ARMC2: variants seen among roughly 807,000 people sequenced by gnomAD.
ARMC2 encodes the protein armadillo repeat containing 2.
ARMC2 carries 67 observed loss-of-function variants against 90.3 expected under a neutral mutation model. The ratio of observed to expected loss-of-function variants is 0.74; its 90% CI spans 0.61 to 0.91. The LOEUF (loss-of-function observed/expected upper bound fraction) is 0.91, where lower values mean the gene tolerates loss of function less well. ARMC2 is among the 40% of genes least tolerant of loss of function. The pLI is 0.00. For synonymous variants in ARMC2, 393 were observed against 393.0 expected (o/e 1.00, Z 0.00); for missense variants, 920 against 1,030.9 (o/e 0.89, Z 1.47).
At chr6:108,931,550 A>C (rs1455351528) in intron 11 of ARMC2, among the ~76,000 whole-genome samples, 1 of 151,830 alleles carries the variant, frequency 6.6e-6, no homozygotes, top group Admixed American at 6.5e-5. Context: ...ACAGTGTATG[A>C]GTGTTCTCTT....
intron 13 of ARMC2, among the ~76,000 whole-genome samples, chr6:108,956,460 G>A (rs573948940): frequency 4.6e-5 from 7 of 151,862 alleles, no homozygotes; most frequent in African/African-American, 1.7e-4. Flanking sequence ...ACTTTGGGAA[G>A]CCAAGGCAGG....
chr6:108,910,757 A>T (rs944005718), intron 8 of ARMC2, 142 bp from the exon 9 acceptor site: 7 of 481,778 alleles, frequency 1.5e-5, no homozygotes, highest in Middle Eastern at 5.3e-4. Flanking sequence ...TGTGGTCTAA[A>T]TTTTTCAAAG....
the ARMC2 span, among the ~76,000 whole-genome samples, chr6:109,043,034 G>T: frequency 1.3e-5 from 2 of 152,052 alleles, no homozygotes; most frequent in African/African-American, 4.8e-5. Flanking sequence ...TGCATGGCTG[G>T]TTCAACATCT....
At chr6:108,936,109 A>G (rs140287949) in intron 11 of ARMC2, among the ~76,000 whole-genome samples, 3 of 152,284 alleles carry the variant, frequency 2.0e-5, no homozygotes, top group African/African-American at 7.2e-5. Flanking sequence ...TTGCTTGCTT[A>G]CTTGCTTTAG....
At chr6:108,922,797 A>C (rs545508188) in intron 10 of ARMC2, among the ~76,000 whole-genome samples, 1 of 152,322 alleles carries the variant, frequency 6.6e-6, no homozygotes, top group African/African-American at 2.4e-5. Context: ...ACATGGAAAG[A>C]AGCTTTCTCA....
intron 8 of ARMC2, chr6:108,907,542 G>C (rs1772897475): frequency 7.8e-7 from 1 of 1,278,014 alleles, no homozygotes; most frequent in Non-Finnish European, 1.1e-6. Context: ...CAACGATCGA[G>C]ATTGTGTTCC....
chr6:108,941,608 G>A (rs1197537895), intron 12 of ARMC2, among the ~76,000 whole-genome samples: 2 of 152,156 alleles, frequency 1.3e-5, no homozygotes, highest in African/African-American at 4.8e-5. Context: ...TTTCAATCTG[G>A]TAGACAGGAT....
At chr6:109,039,502 C>G in the ARMC2 span, among the ~76,000 whole-genome samples, 1,189 of 152,288 alleles carry the variant, frequency 7.8e-3, 20 homozygotes, top group African/African-American at 0.028. Context: ...AACATCAAAT[C>G]TGCAAATCAC....
chr6:108,969,493 A>G (rs1024139818), intron 17 of ARMC2, among the ~76,000 whole-genome samples: 1 of 152,260 alleles, frequency 6.6e-6, no homozygotes, highest in African/African-American at 2.4e-5. Context: ...AGAAAGCTTA[A>G]GAATGATTGG....
intron 4 of ARMC2, among the ~76,000 whole-genome samples, chr6:108,870,612 AAAG>A (rs776800799): frequency 6.5e-4 from 98 of 151,912 alleles, no homozygotes; most frequent in Non-Finnish European, 1.1e-3. Flanking sequence ...AAGGAAAGAA[AAAG>A]AAGAGAGGGA....
intron 5 of ARMC2, among the ~76,000 whole-genome samples, chr6:108,887,951 GA>G (rs1770527685): frequency 6.6e-6 from 1 of 152,160 alleles, no homozygotes. Flanking sequence ...ACCTGGATGG[GA>G]AAATCTGCCT....
At chr6:108,866,016 TAA>T (rs910550188) in intron 3 of ARMC2, among the ~76,000 whole-genome samples, 4,158 of 118,506 alleles carry the variant, frequency 0.035, 168 homozygotes, top group East Asian at 0.2. Context: ...GACCCTGTCT[TAA>T]AAAAAAAAAA....
At chr6:108,932,689 C>T (rs763756979) in intron 11 of ARMC2, among the ~76,000 whole-genome samples, 15 of 151,456 alleles carry the variant, frequency 9.9e-5, no homozygotes, top group South Asian at 4.2e-4. Context: ...CCACCACGCC[C>T]GGCTAATTTT....
intron 12 of ARMC2, among the ~76,000 whole-genome samples, chr6:108,941,617 A>C (rs1395777824): frequency 1.3e-5 from 2 of 152,234 alleles, no homozygotes; most frequent in Admixed American, 1.3e-4. Context: ...GGTAGACAGG[A>C]TCACCTCAAA....
chr6:108,952,986 G>A (rs1487802974), intron 12 of ARMC2, 47 bp from the exon 13 acceptor site: 1 of 1,506,500 alleles, frequency 6.6e-7, no homozygotes, highest in East Asian at 2.4e-5. Flanking sequence ...CCCACGATGT[G>A]TTCCAGCCCC....
At chr6:109,046,731 C>T in the ARMC2 span, among the ~76,000 whole-genome samples, 1 of 136,742 alleles carries the variant, frequency 7.3e-6, no homozygotes, top group Non-Finnish European at 1.6e-5. Context: ...GCCTCTGCCC[C>T]GCCGCCCCAT....
At chr6:109,044,384 G>A in the ARMC2 span, among the ~76,000 whole-genome samples, 1 of 132,566 alleles carries the variant, frequency 7.5e-6, no homozygotes, top group South Asian at 2.4e-4. Context: ...AAGGAAGAAA[G>A]GATAGTCTTT....
At position 108,961,593 on chromosome 6, in the gene ARMC2, G is replaced by T; in HGVS notation, c.1937G>T (p.Cys646Phe). 2 of 1,610,768 alleles carry T rather than the reference G, an allele frequency of 1.2e-6. No homozygotes were observed. Among genetic ancestry groups the T allele is most frequent in the Non-Finnish European group, 1.7e-6 (2 of 1,178,868 alleles). The change falls in exon 14 of 18, where the codon TGT becomes TTT. Residue 646 changes from cysteine (C) to phenylalanine (F), a missense_variant. Cys to Phe is a radical substitution (Grantham distance 205). Coordinates refer to ENST00000392644, the MANE Select transcript of ARMC2 (RefSeq NM_032131.6). ...TCAGAATACAAGTCACTTGATGATTGTGAGGAGCTGGTGATCAATGCTACA... is the reference window on the plus strand; with the variant it reads ...TCAGAATACAAGTCACTTGATGATTTTGAGGAGCTGGTGATCAATGCTACA... Reference protein sequence around the residue: ...TTLEYKSLDDCEELVINATAT... With the variant: ...TTLEYKSLDDFEELVINATAT...
At chr6:108,991,075 ACAAC>A in the ARMC2 span, among the ~76,000 whole-genome samples, 40 of 149,608 alleles carry the variant, frequency 2.7e-4, 1 homozygote, top group South Asian at 6.4e-4. Context: ...TCAAAAAAAA[ACAAC>A]AACAAAAAAA....
Sources: allele counts gnomAD v4.1 joint callset (sites outside exome capture counted in the v4.1 genomes callset), GRCh38; gene constraint gnomAD v4.1.1; transcripts MANE v1.5; gene names NCBI Gene and HGNC (gene_info 2026-07-23, HGNC 2026-07-21).